Variants in DTWD2 observed in about 807,000 individuals in gnomAD.
DTWD2 encodes tRNA-uridine aminocarboxypropyltransferase 2.
Under a neutral mutation model 31.8 loss-of-function variants are expected in DTWD2, and 39 were observed. The ratio of observed to expected loss-of-function variants is 1.22; its 90% CI spans 0.95 to 1.60. DTWD2 has a LOEUF of 1.60. DTWD2 is among the 40% of genes most tolerant of loss of function. DTWD2 has a pLI of 0.00. For missense variants in DTWD2, 515 were observed against 381.5 expected (o/e 1.35, Z -2.92); for synonymous variants, 180 against 142.8 (o/e 1.26, Z -1.86).
chr5:118,958,453 G>A (rs1047786339), intron 1 of DTWD2, among the ~76,000 whole-genome samples: 3 of 151,062 alleles, frequency 2.0e-5, no homozygotes, highest in African/African-American at 7.3e-5. Flanking sequence ...GCAAGACTCC[G>A]TCTGAAAAAC....
chr5:118,882,480 T>C (rs1278642157), intron 4 of DTWD2, among the ~76,000 whole-genome samples: 2 of 152,246 alleles, frequency 1.3e-5, no homozygotes, highest in Admixed American at 1.3e-4. Flanking sequence ...CTGGGGACTC[T>C]GTGTGGGGGC....
chr5:118,985,517 TACACAC>T (rs1260597928), intron 1 of DTWD2, among the ~76,000 whole-genome samples: 27 of 107,602 alleles, frequency 2.5e-4, no homozygotes, highest in East Asian at 4.6e-4. Context: ...TATATATATA[TACACAC>T]ACATATATAC....
At chr5:118,897,140 T>C (rs528450875) in intron 4 of DTWD2, among the ~76,000 whole-genome samples, 4 of 152,210 alleles carry the variant, frequency 2.6e-5, no homozygotes, top group Non-Finnish European at 5.9e-5. Context: ...AACTCACGGT[T>C]AATATTTATT....
intron 1 of DTWD2, among the ~76,000 whole-genome samples, chr5:118,964,337 T>G (rs950409779): frequency 1.3e-5 from 2 of 152,128 alleles, no homozygotes; most frequent in African/African-American, 4.8e-5. Context: ...CACCAAGTTG[T>G]GGTCATTTGG....
chr5:118,945,934 C>G, intron 1 of DTWD2, among the ~76,000 whole-genome samples: 1 of 152,044 alleles, frequency 6.6e-6, no homozygotes, highest in Non-Finnish European at 1.5e-5. Context: ...ATTTCCAATA[C>G]CATACATACA....
chr5:118,879,309 TA>T (rs894388617), intron 4 of DTWD2, among the ~76,000 whole-genome samples: 4 of 151,944 alleles, frequency 2.6e-5, no homozygotes, highest in Non-Finnish European at 5.9e-5. Context: ...ACGCAGCCAT[TA>T]AAAAGAACAA....
chr5:118,940,744 T>C (rs549737277), intron 2 of DTWD2, among the ~76,000 whole-genome samples: 17 of 152,342 alleles, frequency 1.1e-4, no homozygotes, highest in Non-Finnish European at 1.8e-4. Context: ...TCAGAGTTTA[T>C]AGAACTATTA....
intron 4 of DTWD2, among the ~76,000 whole-genome samples, chr5:118,914,101 T>C (rs1753521307): frequency 6.6e-6 from 1 of 152,208 alleles, no homozygotes; most frequent in East Asian, 1.9e-4. Context: ...GGAAGTTTTG[T>C]ATCCTTGGTG....
At chr5:118,872,914 T>A (rs965680993) in intron 4 of DTWD2, among the ~76,000 whole-genome samples, 1 of 151,800 alleles carries the variant, frequency 6.6e-6, no homozygotes, top group African/African-American at 2.4e-5. Context: ...TTGAAACAGA[T>A]CTTCAGAGGG....
At chr5:118,855,239 G>A (rs548506590) in intron 4 of DTWD2, among the ~76,000 whole-genome samples, 49 of 142,390 alleles carry the variant, frequency 3.4e-4, no homozygotes, top group Non-Finnish European at 5.7e-4. Context: ...AGAAGTTGCG[G>A]TAAAACTTTT....
intron 1 of DTWD2, among the ~76,000 whole-genome samples, chr5:118,955,798 TAA>T (rs70982460): frequency 2.9e-5 from 4 of 138,682 alleles, no homozygotes; most frequent in Admixed American, 7.2e-5. Context: ...CCCTATCTCT[TAA>T]AAAAAAAAAA....
At chr5:118,885,561 T>A (rs1216217345) in intron 4 of DTWD2, among the ~76,000 whole-genome samples, 2 of 149,222 alleles carry the variant, frequency 1.3e-5, no homozygotes, top group Non-Finnish European at 3.0e-5. Flanking sequence ...AAGTCAGGAG[T>A]TTGAGACCAG....
At position 118,840,781 on chromosome 5, in the gene DTWD2, T is replaced by G; in HGVS notation, c.*136A>C. On this transcript the variant is annotated 3_prime_UTR_variant, in exon 6 of 6. Transcript: ENST00000510708. ...TGTATTTATGAATATTTGGTTTACT[T>G]CCTTCTTCTGGGTAAGATTAGTATG... 1 of 874,988 alleles carries G rather than the reference T, an allele frequency of 1.1e-6. No individual in the cohort carries two copies. The highest frequency in any genetic ancestry group is 1.6e-6 in the Non-Finnish European group (1 of 632,108). The allele number at this position is 874,988 out of a possible 1,614,324, so 54.2% of individuals were successfully genotyped here.
intron 1 of DTWD2, among the ~76,000 whole-genome samples, chr5:118,965,110 G>GCTCACTGAGAACGGGCCATGATGATGAT (rs1561474094): frequency 2.0e-5 from 3 of 148,702 alleles, no homozygotes; most frequent in African/African-American, 7.5e-5. Context: ...TGGGAGGTGA[G>GCTCACTGAGAACGGGCCATGATGATGAT]GAGCGTCTCT....
chr5:118,843,686 C>T (rs1018734394), intron 5 of DTWD2, among the ~76,000 whole-genome samples: 3 of 152,144 alleles, frequency 2.0e-5, no homozygotes, highest in African/African-American at 7.2e-5. Context: ...TTCTTATGGT[C>T]AAAAGATTCC....
chr5:118,935,089 C>T (rs926522635), intron 3 of DTWD2, among the ~76,000 whole-genome samples: 2 of 152,020 alleles, frequency 1.3e-5, no homozygotes, highest in African/African-American at 4.8e-5. Flanking sequence ...ATGGCTTAAT[C>T]AATCATGCCT....
intron 1 of DTWD2, among the ~76,000 whole-genome samples, chr5:118,959,631 G>A (rs1290390405): frequency 1.3e-5 from 2 of 152,122 alleles, no homozygotes; most frequent in African/African-American, 2.4e-5. Context: ...AACCAAAAAA[G>A]AGCCCAAATA....
intron 4 of DTWD2, among the ~76,000 whole-genome samples, chr5:118,855,478 A>G (rs1248552128): frequency 1.3e-5 from 2 of 151,974 alleles, no homozygotes; most frequent in African/African-American, 4.8e-5. Flanking sequence ...GTTTGATAAT[A>G]CTGCATATAA....
intron 4 of DTWD2, among the ~76,000 whole-genome samples, chr5:118,903,698 CATTATG>C (rs1453108038): frequency 6.6e-6 from 1 of 151,724 alleles, no homozygotes; most frequent in Non-Finnish European, 1.5e-5. Context: ...TATGTTCCGT[CATTATG>C]AAGATGAAAT....
Sources: allele counts gnomAD v4.1 joint callset (sites outside exome capture counted in the v4.1 genomes callset), GRCh38; gene constraint gnomAD v4.1.1; transcripts MANE v1.5; gene names NCBI Gene and HGNC (gene_info 2026-07-23, HGNC 2026-07-21).